MS4A3: variants seen among roughly 807,000 people sequenced by gnomAD.
MS4A3 encodes the protein membrane-spanning 4-domains subfamily A member 3.
In MS4A3, 18 loss-of-function variants were observed where a neutral mutation model predicts 24.7. The observed-to-expected ratio is 0.73, with a 90% CI of 0.50 to 1.08. The LOEUF (loss-of-function observed/expected upper bound fraction) is 1.08, where lower values mean the gene tolerates loss of function less well. Among genes scored for constraint, MS4A3 ranks in the 50% least tolerant of loss-of-function variants. The pLI is 0.00. For missense variants in MS4A3, 282 were observed against 251.7 expected, an observed-to-expected ratio of 1.12 and a Z score of -0.82; for synonymous variants, 84 against 95.3, an observed-to-expected ratio of 0.88 and a Z score of 0.69.
At chr11:60,062,415 A>G in intron 2 of MS4A3, 53 bp from the exon 3 acceptor site, 1 of 1,601,578 alleles carries the variant, frequency 6.2e-7, no homozygotes, top group Non-Finnish European at 8.5e-7. Flanking sequence ...GCCTGTTTTC[A>G]GTGTCCACTT....
At chr11:60,066,905 A>T in intron 4 of MS4A3, 46 bp from the exon 5 acceptor site, 1 of 1,397,724 alleles carries the variant, frequency 7.2e-7, no homozygotes, top group Non-Finnish European at 9.6e-7. Flanking sequence ...CAAAGGAATG[A>T]AGTACGTGCT....
intron 1 of MS4A3, among the ~76,000 whole-genome samples, chr11:60,059,318 ATTAAG>A (rs1372933114): frequency 6.6e-6 from 1 of 152,170 alleles, no homozygotes; most frequent in East Asian, 1.9e-4. Context: ...TTGACAAAAA[ATTAAG>A]TTATTAGAAA....
chr11:60,064,173 C>A, intron 3 of MS4A3, 89 bp from the exon 4 acceptor site: 1 of 892,524 alleles, frequency 1.1e-6, no homozygotes, highest in South Asian at 1.9e-5. Context: ...ATGACTATTG[C>A]TGGATATCTG....
chr11:60,057,579 T>A (rs1855192255), intron 1 of MS4A3, among the ~76,000 whole-genome samples: 2 of 152,102 alleles, frequency 1.3e-5, no homozygotes, highest in African/African-American at 4.8e-5. Flanking sequence ...TAATTTTATG[T>A]GTTTTTAGTA....
At chr11:60,058,233 C>T (rs1258391543) in intron 1 of MS4A3, among the ~76,000 whole-genome samples, 2 of 151,746 alleles carry the variant, frequency 1.3e-5, no homozygotes, top group African/African-American at 2.4e-5. Flanking sequence ...AAGGGCCGGG[C>T]GCATTGATTC....
intron 6 of MS4A3, 141 bp from the exon 7 acceptor site, chr11:60,070,061 GTA>G: frequency 1.4e-6 from 1 of 711,320 alleles, no homozygotes. Context: ...TGAGTACTGT[GTA>G]TATAATCTTT....
intron 4 of MS4A3, among the ~76,000 whole-genome samples, chr11:60,065,884 ACTT>A (rs375301487): frequency 1.1e-3 from 166 of 152,186 alleles, no homozygotes; most frequent in African/African-American, 3.8e-3. Context: ...ATCTATACGT[ACTT>A]CTTCTGTGAT....
chr11:60,060,717 A>C (rs755437343), intron 1 of MS4A3, among the ~76,000 whole-genome samples: 3 of 152,194 alleles, frequency 2.0e-5, no homozygotes, highest in Non-Finnish European at 4.4e-5. Flanking sequence ...GCATCCAGAC[A>C]GTGCTTGGCA....
chr11:60,069,638 C>A lies in MS4A3; in HGVS notation c.578C>A (p.Ala193Asp). The change falls in exon 6 of 7, where the codon GCC becomes GAC. Residue 193 changes from alanine (A) to aspartate (D), a missense_variant. Transcript: ENST00000278865. ...TTATGCGTAACCATCTCTACCATAG[C>A]CATGTGGTGCAATGCAAACTGCTGT... is the stretch of plus-strand genomic sequence containing the variant. ...LELCVTISTI[A>D]MWCNANCCNS... 2.5e-6 allele frequency: 4 copies of A among 1,613,330 alleles called. No homozygotes were observed. The highest frequency in any genetic ancestry group is 3.4e-6 in the Non-Finnish European group (4 of 1,179,396).
At chr11:60,068,852 C>G (rs1855422915) in intron 5 of MS4A3, among the ~76,000 whole-genome samples, 1 of 152,058 alleles carries the variant, frequency 6.6e-6, no homozygotes, top group Non-Finnish European at 1.5e-5. Context: ...ATCCCTCCCC[C>G]AGCCCCCCAC....
Position 60,067,047 on chromosome 11 carries a change from T to C in MS4A3, c.448T>C (p.Leu150=). Residue 150 remains leucine (L), a synonymous_variant, in exon 5 of 7, where the codon TTA becomes CTA. Transcript: ENST00000278865. ...SLNIAVNIQS[L]RSCHSSSESP... ...AAATATAGCAGTTAATATCCAGTCA[T>C]TAAGGAGTTGTCACTCTTCATCAGA... is the stretch of plus-strand genomic sequence containing the variant. The C allele has an allele frequency of 9.9e-6, 16 of 1,613,646 alleles. No homozygotes were observed. The highest frequency in any genetic ancestry group is 1.4e-5 in the Non-Finnish European group (16 of 1,179,850).
At chr11:60,067,336 C>T (rs1458352540) in intron 5 of MS4A3, among the ~76,000 whole-genome samples, 1 of 151,900 alleles carries the variant, frequency 6.6e-6, no homozygotes, top group African/African-American at 2.4e-5. Flanking sequence ...GCCTCAGCCT[C>T]CCGAGTAGCT....
chr11:60,061,624 T>C (rs1243326212), intron 2 of MS4A3: 4 of 340,444 alleles, frequency 1.2e-5, no homozygotes, highest in African/African-American at 2.2e-5. Flanking sequence ...GTATATAATA[T>C]GTCACATACA....
rs1855270630 is a variant in MS4A3 at position 60,061,297 on chromosome 11, C to A, written c.137C>A (p.Ala46Glu). ...GATGGATCACCAGATTATCAGAAAG[C>A]AAAATTACAAGTTCTTGGGGTAAGT... is the stretch of plus-strand genomic sequence containing the variant. ...PIDGSPDYQK[A>E]KLQVLGAIQI... The change falls in exon 2 of 7, where the codon GCA becomes GAA. Residue 46 changes from alanine to glutamate, a missense_variant. Transcript: ENST00000278865. 1.2e-6 allele frequency: 2 copies of A among 1,608,674 alleles called. No homozygotes were observed. The highest frequency in any genetic ancestry group is 1.1e-5 in the South Asian group (1 of 89,854).
At chr11:60,058,252 A>T (rs191349738) in intron 1 of MS4A3, among the ~76,000 whole-genome samples, 7 of 152,060 alleles carry the variant, frequency 4.6e-5, no homozygotes, top group Non-Finnish European at 7.4e-5. Flanking sequence ...TCACGCCTGT[A>T]ATCCCAGCAC....
At chr11:60,064,419 G>T (rs937216681) in intron 4 of MS4A3, 101 bp downstream of exon 4, 3 of 757,590 alleles carry the variant, frequency 4.0e-6, no homozygotes, top group Non-Finnish European at 6.2e-6. Flanking sequence ...GAGACACTGA[G>T]TATCATTTAA....
At chr11:60,067,358 C>T (rs533009394) in intron 5 of MS4A3, among the ~76,000 whole-genome samples, 74 of 152,040 alleles carry the variant, frequency 4.9e-4, no homozygotes, top group African/African-American at 1.6e-3. Flanking sequence ...GGACTACAGG[C>T]GGCCACCACC....
At position 60,070,418 on chromosome 11, in the gene MS4A3, A is replaced by C; in HGVS notation, c.*185A>C. The C allele has an allele frequency of 1.9e-6, 1 of 537,602 alleles. No homozygotes were observed. The highest frequency in any genetic ancestry group is 3.3e-6 in the Non-Finnish European group (1 of 306,850). The allele number at this position is 537,602 out of a possible 1,614,324, so 33.3% of individuals were successfully genotyped here. A position where few individuals can be genotyped will look rare whatever the true frequency, so the allele number is the denominator to read the frequency against. On this transcript the variant is annotated 3_prime_UTR_variant, in exon 7 of 7. Transcript: ENST00000278865. ...TCTATCCTTTCTCTCCTAACTATAA[A>C]TCCTATTTGTGTGTCGTGGGTATGG...
chr11:60,066,366 G>A (rs764150566), intron 4 of MS4A3, among the ~76,000 whole-genome samples: 1 of 152,032 alleles, frequency 6.6e-6, no homozygotes, highest in Non-Finnish European at 1.5e-5. Flanking sequence ...CATTGGCTTT[G>A]TATTTTTCTT....
Sources: allele counts gnomAD v4.1 joint callset (sites outside exome capture counted in the v4.1 genomes callset), GRCh38; gene constraint gnomAD v4.1.1; transcripts MANE v1.5; gene names NCBI Gene and HGNC (gene_info 2026-07-23, HGNC 2026-07-21).